The following MBNL2 variants were observed in gnomAD, a reference collection of about 807,000 sequenced individuals.
MBNL2 encodes muscleblind like splicing regulator 2, also known as muscleblind-like protein 2.
MBNL2 carries 17 observed loss-of-function variants against 41.9 expected under a neutral mutation model. That is an observed-to-expected ratio of 0.41 (90% CI 0.28 to 0.61). The LOEUF (loss-of-function observed/expected upper bound fraction) is 0.61. MBNL2 is among the 20% of genes least tolerant of loss of function. MBNL2 has a pLI of 0.35. For synonymous variants in MBNL2, 195 were observed against 182.9 expected, an observed-to-expected ratio of 1.07 and a Z score of -0.53; for missense variants, 336 against 505.6, an observed-to-expected ratio of 0.66 and a Z score of 3.22.
At chr13:97,330,545 T>C (rs143916381) in intron 2 of MBNL2, among the ~76,000 whole-genome samples, 98 of 152,338 alleles carry the variant, frequency 6.4e-4, no homozygotes, top group Middle Eastern at 3.4e-3. Flanking sequence ...GGAAGATTTT[T>C]CCCAGACATT....
chr13:97,200,549 T>C, the MBNL2 span, among the ~76,000 whole-genome samples: 9 of 152,232 alleles, frequency 5.9e-5, no homozygotes, highest in Non-Finnish European at 1.2e-4. Context: ...AGAATATTAA[T>C]AGTCATTGGA....
intron 5 of MBNL2, among the ~76,000 whole-genome samples, chr13:97,348,963 C>T (rs147530642): frequency 4.3e-4 from 66 of 152,326 alleles, no homozygotes; most frequent in African/African-American, 1.4e-3. Context: ...CCACCAGGTG[C>T]GGAGTGTGTG....
chr13:97,388,529 C>T (rs2066124993), intron 8 of MBNL2, among the ~76,000 whole-genome samples: 1 of 152,112 alleles, frequency 6.6e-6, no homozygotes. Context: ...TCCCGCCAGT[C>T]CCCACAAGCA....
At chr13:97,226,679 C>T (rs2041651766) in intron 1 of MBNL2, among the ~76,000 whole-genome samples, 1 of 152,014 alleles carries the variant, frequency 6.6e-6, no homozygotes, top group African/African-American at 2.4e-5. Flanking sequence ...CTTTCTTGAC[C>T]TCTGTTATAT....
At chr13:97,262,477 ACTC>A (rs1204665772) in intron 1 of MBNL2, among the ~76,000 whole-genome samples, 10 of 151,360 alleles carry the variant, frequency 6.6e-5, no homozygotes, top group Non-Finnish European at 1.0e-4. Flanking sequence ...GGTTTGCCTT[ACTC>A]CTCTTCCTTC....
chr13:97,236,099 G>A (rs1403306477), intron 1 of MBNL2, among the ~76,000 whole-genome samples: 1 of 152,116 alleles, frequency 6.6e-6, no homozygotes, highest in Non-Finnish European at 1.5e-5. Context: ...TCCTAATGGT[G>A]GAGGCATAGC....
chr13:97,165,749 C>G, the MBNL2 span, among the ~76,000 whole-genome samples: 15 of 152,220 alleles, frequency 9.9e-5, no homozygotes, highest in Admixed American at 5.9e-4. Context: ...GAATCTAGAA[C>G]TTGAAAACTG....
intron 1 of MBNL2, among the ~76,000 whole-genome samples, chr13:97,226,840 G>A (rs1368196891): frequency 6.6e-6 from 1 of 152,022 alleles, no homozygotes; most frequent in Non-Finnish European, 1.5e-5. Flanking sequence ...AAGTGCCTGG[G>A]GAAAATGGAC....
chr13:97,240,843 G>A (rs991216823), intron 1 of MBNL2, among the ~76,000 whole-genome samples: 1 of 152,156 alleles, frequency 6.6e-6, no homozygotes, highest in African/African-American at 2.4e-5. Flanking sequence ...GCACTTGAAC[G>A]AGCTCCGTGA....
chr13:97,221,237 A>G (rs2040831306), upstream of MBNL2, among the ~76,000 whole-genome samples: 2 of 152,152 alleles, frequency 1.3e-5, no homozygotes, highest in African/African-American at 2.4e-5. Flanking sequence ...TGGTCTCATC[A>G]TGTAATCATC....
At chr13:97,271,070 G>A (rs1371022231) in intron 1 of MBNL2, among the ~76,000 whole-genome samples, 1 of 151,254 alleles carries the variant, frequency 6.6e-6, no homozygotes, top group African/African-American at 2.4e-5. Flanking sequence ...CTGTACAAGT[G>A]ACTCTGGCCA....
Position 97,356,796 on chromosome 13 carries a change from A to G in MBNL2, c.805A>G (p.Thr269Ala). ...TGTGCTCGCTGCCTGTTATTAAAAG[A>G]CTCAGTCGACTGCCAAAGCAATGAA... ...QAAAAAATVM[T>A]QSTAKAMKRP... is the part of the protein sequence containing the mutation. The change falls in exon 6 of 9, where the codon ACT becomes GCT. Residue 269 changes from threonine to alanine, a missense_variant and splice_region_variant. Transcript: ENST00000679496. 1 of 1,362,566 alleles carries G rather than the reference A, an allele frequency of 7.3e-7. No homozygotes were observed. Among genetic ancestry groups the G allele is most frequent in the Non-Finnish European group, 9.8e-7 (1 of 1,017,786 alleles). The allele number at this position is 1,362,566 out of a possible 1,614,324, so 84.4% of individuals were successfully genotyped here.
intron 2 of MBNL2, among the ~76,000 whole-genome samples, chr13:97,307,648 A>T (rs1344753247): frequency 1.3e-5 from 2 of 152,250 alleles, no homozygotes; most frequent in African/African-American, 4.8e-5. Flanking sequence ...ACACTGAAAA[A>T]TTTAATGTAG....
Position 97,393,624 on chromosome 13 carries a change from A to G in MBNL2, c.*2175A>G, listed in dbSNP as rs974596536. 3.3e-5 allele frequency: 5 copies of G among 152,576 alleles called. No individual in the cohort carries two copies. Among genetic ancestry groups the G allele is most frequent in the Non-Finnish European group, 7.4e-5 (5 of 67,984 alleles). The allele number at this position is 152,576 out of a possible 1,614,324, so 9.5% of individuals were successfully genotyped here. On this transcript the variant is annotated 3_prime_UTR_variant, in exon 9 of 9. Transcript: ENST00000679496. ...GCAAGGCAAATGCATAGATGTACAA[A>G]TATATGTACAACAGATTTTGCTTTT...
In MBNL2 at chr13:97,392,160, A is replaced by T. The variant is rs1171772751; in HGVS notation, c.*711A>T. The stretch of plus-strand genomic sequence containing the variant: ...AAGTGCCTAGATTTTGCCAGACTTC[A>T]TCCAGCTTGACAAGATTGAGAGGCC... On this transcript the variant is annotated 3_prime_UTR_variant, in exon 9 of 9. Coordinates refer to ENST00000679496, the MANE Select transcript of MBNL2 (RefSeq NM_001382683.1). 1 of 152,656 alleles carries T rather than the reference A, an allele frequency of 6.6e-6. No individual in the cohort carries two copies. Among genetic ancestry groups the T allele is most frequent in the Non-Finnish European group, 1.5e-5 (1 of 68,022 alleles). The allele number at this position is 152,656 out of a possible 1,614,324, so 9.5% of individuals were successfully genotyped here. A position where few individuals can be genotyped will look rare whatever the true frequency, so the allele number is the denominator to read the frequency against.
At chr13:97,147,741 T>A in the MBNL2 span, among the ~76,000 whole-genome samples, 192 of 152,278 alleles carry the variant, frequency 1.3e-3, 2 homozygotes, top group East Asian at 0.034. Flanking sequence ...GAGATGCAGA[T>A]CTTGGTTTAC....
intron 2 of MBNL2, among the ~76,000 whole-genome samples, chr13:97,301,766 G>C (rs761079530): frequency 1.5e-4 from 23 of 152,202 alleles, no homozygotes; most frequent in Non-Finnish European, 2.4e-4. Flanking sequence ...TTAGTTAACA[G>C]AAAACACCAC....
the MBNL2 span, among the ~76,000 whole-genome samples, chr13:97,192,588 G>A: frequency 6.6e-6 from 1 of 152,206 alleles, no homozygotes; most frequent in Admixed American, 6.5e-5. Flanking sequence ...GTGCCCAGCT[G>A]AGCTGCCCTA....
chr13:97,339,681 G>A (rs1359511953), intron 3 of MBNL2, among the ~76,000 whole-genome samples: 2 of 152,012 alleles, frequency 1.3e-5, no homozygotes, highest in Non-Finnish European at 2.9e-5. Context: ...GTTGTTGGCC[G>A]AGATTCTACC....
Sources: gnomAD v4.1 joint callset for allele counts (sites outside exome capture counted in the v4.1 genomes callset) on GRCh38, gnomAD v4.1.1 for gene constraint, MANE v1.5 for transcripts, NCBI Gene and HGNC (gene_info 2026-07-23, HGNC 2026-07-21) for gene names.